The following CMTM7 variants were observed in gnomAD, a reference collection of about 807,000 sequenced individuals.
CMTM7 encodes CKLF-like MARVEL transmembrane domain-containing protein 7.
In CMTM7, 7 loss-of-function variants were observed where a neutral mutation model predicts 19.3. The observed-to-expected ratio is 0.36, with a 90% CI of 0.21 to 0.68. CMTM7 has a LOEUF of 0.68. Ranked by LOEUF, CMTM7 falls within the 30% of genes least tolerant of loss-of-function variation. The pLI is 0.60. For synonymous variants in CMTM7, 87 were observed against 99.3 expected (o/e 0.88, Z 0.74); for missense variants, 193 against 232.6 (o/e 0.83, Z 1.11).
chr3:32,417,279 C>A (rs183912265), intron 1 of CMTM7, among the ~76,000 whole-genome samples: 1 of 152,162 alleles, frequency 6.6e-6, no homozygotes, highest in Non-Finnish European at 1.5e-5. Flanking sequence ...GTCTTCCATC[C>A]CTATAGTTTT....
chr3:32,445,549 A>G (rs78713058), intron 2 of CMTM7, among the ~76,000 whole-genome samples: 12,353 of 151,762 alleles, frequency 0.081, 572 homozygotes, highest in Middle Eastern at 0.13. Context: ...ATCTTGGTCT[A>G]TCATCCAGGC....
chr3:32,441,741 T>C lies in CMTM7; in HGVS notation c.160-99T>C, dbSNP rs1410447365. 13 of 1,014,590 alleles carry C rather than the reference T, an allele frequency of 1.3e-5. No individual in the cohort carries two copies. In the East Asian group the frequency reaches 2.6e-4, roughly 20 times the overall value. 62.8% of individuals were successfully genotyped at this position (1,014,590 alleles called of 1,614,324 possible). On this transcript the variant is annotated intron_variant, in intron 1 of 4. Coordinates refer to ENST00000334983, the MANE Select transcript of CMTM7 (RefSeq NM_138410.4). ...AATTGTATTAATAGCAGTTCTTCAA[T>C]GTGGGCCTGCTGGGGGATGCTTGGT... is the stretch of plus-strand genomic sequence containing the variant.
chr3:32,448,106 G>A (rs965515768), intron 2 of CMTM7, among the ~76,000 whole-genome samples: 1 of 152,158 alleles, frequency 6.6e-6, no homozygotes, highest in African/African-American at 2.4e-5. Flanking sequence ...GGCTGCATGA[G>A]GAGTGAAAGT....
intron 1 of CMTM7, among the ~76,000 whole-genome samples, chr3:32,420,996 G>A (rs974569195): frequency 6.6e-6 from 1 of 152,092 alleles, no homozygotes; most frequent in African/African-American, 2.4e-5. Flanking sequence ...AGGCGACCCT[G>A]CTCCCCACCT....
Position 32,420,482 on chromosome 3 carries a change from C to T in CMTM7, c.160-21358C>T, listed in dbSNP as rs11720971. ...TTGTTTTCACTTGGCACTCAGATGA[C>T]TCAAAAGTGAGAAAGCAAAGGAGAA... is the stretch of plus-strand genomic sequence containing the variant. On this transcript the variant is annotated intron_variant, in intron 1 of 4. Transcript: ENST00000334983. 2.8e-3 allele frequency among the ~76,000 whole-genome samples: 422 copies of T among 152,308 alleles called. 3 individuals carry two copies. The highest frequency in any genetic ancestry group is 0.017 in the Middle Eastern group (5 of 294).
intron 1 of CMTM7, among the ~76,000 whole-genome samples, chr3:32,431,445 A>G (rs1046451871): frequency 5.9e-5 from 9 of 151,974 alleles, no homozygotes; most frequent in Admixed American, 4.6e-4. Flanking sequence ...CATGAGCAAC[A>G]TATCTAATGG....
At chr3:32,404,097 CTGA>C in intron 1 of CMTM7, among the ~76,000 whole-genome samples, 1 of 150,986 alleles carries the variant, frequency 6.6e-6, no homozygotes, top group South Asian at 2.1e-4. Context: ...ATTATGTCTG[CTGA>C]TTTTACATGC....
rs761645113 is a variant in CMTM7 at position 32,441,848 on chromosome 3, G to C, written c.168G>C (p.Leu56=). The C allele has an allele frequency of 8.1e-6, 13 of 1,613,902 alleles. No individual in the cohort carries two copies. Among genetic ancestry groups the C allele is most frequent in the Non-Finnish European group, 1.0e-5 (12 of 1,179,938 alleles). Residue 56 remains leucine (L), a synonymous_variant, in exon 2 of 5, where the codon CTG becomes CTC. Transcript: ENST00000334983. ...ALLKVAQMVT[L]LIAFICVRSS... ...CTCTATTTATGTGGCAGGTCACCCT[G>C]CTGATTGCCTTCATCTGTGTGCGGA...
At chr3:32,411,151 GA>G (rs1458709679) in intron 1 of CMTM7, among the ~76,000 whole-genome samples, 1 of 152,150 alleles carries the variant, frequency 6.6e-6, no homozygotes, top group Non-Finnish European at 1.5e-5. Flanking sequence ...CCCTGTCGCT[GA>G]AAATCAAGAC....
intron 1 of CMTM7, among the ~76,000 whole-genome samples, chr3:32,436,752 T>G (rs1403642605): frequency 2.6e-5 from 4 of 152,052 alleles, no homozygotes; most frequent in Admixed American, 2.0e-4. Flanking sequence ...GCACACTCAG[T>G]GGACCAGACT....
chr3:32,424,637 G>GTTT lies in CMTM7; in HGVS notation c.160-17191_160-17189dup, dbSNP rs35838426. 2.5e-3 allele frequency among the ~76,000 whole-genome samples: 357 copies of GTTT among 144,780 alleles called. 1 individual carries two copies. Among genetic ancestry groups the GTTT allele is most frequent in the African/African-American group, 6.7e-3 (264 of 39,134 alleles). 95.0% of individuals were successfully genotyped at this position (144,780 alleles called of 152,430 possible). On this transcript the variant is annotated intron_variant, in intron 1 of 4. Transcript: ENST00000334983. ...CAGACCACTGAGCCCTTGGGGAAAG[G>GTTT]TTTTTTTTTTTTTTGCGGCTGGGGG...
At chr3:32,397,387 C>G (rs1695934441) in intron 1 of CMTM7, among the ~76,000 whole-genome samples, 1 of 151,968 alleles carries the variant, frequency 6.6e-6, no homozygotes, top group Admixed American at 6.6e-5. Flanking sequence ...ACTTTTTCTT[C>G]TTGAAGAACT....
chr3:32,439,611 G>A (rs1023728669), intron 1 of CMTM7, among the ~76,000 whole-genome samples: 4 of 152,096 alleles, frequency 2.6e-5, no homozygotes, highest in African/African-American at 7.2e-5. Context: ...ATGCCACCAC[G>A]CCCAGCTAGT....
rs1696795481 is a variant in CMTM7, at chr3:32,449,314, T to A, written c.334-140T>A. The A allele has an allele frequency of 1.4e-6, 1 of 716,922 alleles. No individual in the cohort carries two copies. Among genetic ancestry groups the A allele is most frequent in the African/African-American group, 1.7e-5 (1 of 57,364 alleles). The allele number at this position is 716,922 out of a possible 1,614,324, so 44.4% of individuals were successfully genotyped here. A position where few individuals can be genotyped will look rare whatever the true frequency, so the allele number is the denominator to read the frequency against. ...GTTGGCTGCCTGCGAGCGGCTCTGCTCATCCCATTTGCGTGTTGCAAGGGA... is the reference window on the plus strand; with the variant it reads ...GTTGGCTGCCTGCGAGCGGCTCTGCACATCCCATTTGCGTGTTGCAAGGGA... On this transcript the variant is annotated intron_variant, in intron 2 of 4. Coordinates refer to ENST00000334983, the MANE Select transcript of CMTM7 (RefSeq NM_138410.4). This position sits in a 1 kb window ranked among gnomAD's most constrained non-coding sequence, Gnocchi z 4.5.
At position 32,454,488 on chromosome 3, in the gene CMTM7, GA is replaced by G. The variant is rs1696881361; in HGVS notation, c.*237del. On this transcript the variant is annotated 3_prime_UTR_variant, in exon 5 of 5. Transcript: ENST00000334983. ...GAACATCCCTCCCATTCTGGGAAAG[GA>G]AAGCAGCCTCCAGGGAAATGTTTTC... is the stretch of plus-strand genomic sequence containing the variant. 1.4e-6 allele frequency: 1 copy of G among 698,938 alleles called. No individual in the cohort carries two copies. The highest frequency in any genetic ancestry group is 2.6e-6 in the Non-Finnish European group (1 of 383,410). 43.3% of individuals were successfully genotyped at this position (698,938 alleles called of 1,614,324 possible).
chr3:32,446,203 G>T (rs902103358), intron 2 of CMTM7, among the ~76,000 whole-genome samples: 2 of 152,098 alleles, frequency 1.3e-5, no homozygotes, highest in African/African-American at 4.8e-5. Flanking sequence ...CATCTTTTCA[G>T]ATTGCATCAT....
chr3:32,423,970 C>CT (rs1559408128), intron 1 of CMTM7, among the ~76,000 whole-genome samples: 1 of 152,156 alleles, frequency 6.6e-6, no homozygotes, highest in Non-Finnish European at 1.5e-5. Flanking sequence ...CAGATAGGAC[C>CT]TTTTTCTCTT....
chr3:32,423,755 C>G (rs1696381237), intron 1 of CMTM7, among the ~76,000 whole-genome samples: 1 of 152,200 alleles, frequency 6.6e-6, no homozygotes, highest in Non-Finnish European at 1.5e-5. Flanking sequence ...ACAAGCTTCT[C>G]AGAGGTGACA....
At chr3:32,422,947 T>C (rs953552339) in intron 1 of CMTM7, among the ~76,000 whole-genome samples, 2 of 152,202 alleles carry the variant, frequency 1.3e-5, no homozygotes, top group African/African-American at 4.8e-5. Context: ...TTCCATACCA[T>C]TGTAAAGTTG....
Sources: allele counts gnomAD v4.1 joint callset (sites outside exome capture counted in the v4.1 genomes callset), GRCh38; gene constraint gnomAD v4.1.1; non-coding constraint Gnocchi (gnomAD v3.1); transcripts MANE v1.5; gene names NCBI Gene and HGNC (gene_info 2026-07-23, HGNC 2026-07-21).